Variants in ANKRD20A1 observed in about 807,000 individuals in gnomAD.
ANKRD20A1 encodes ankyrin repeat domain-containing protein 20A1.
ANKRD20A1 carries 2 observed loss-of-function variants against 50.9 expected under a neutral mutation model. That is an observed-to-expected ratio of 0.04 (90% CI 0.02 to 0.12). ANKRD20A1 has a LOEUF of 0.12. Ranked by LOEUF, ANKRD20A1 falls within the 10% of genes least tolerant of loss-of-function variation. ANKRD20A1 has a pLI of 1.00. For missense variants in ANKRD20A1, 31 were observed against 548.1 expected (o/e 0.06, Z 9.42); for synonymous variants, 10 against 186.2 (o/e 0.05, Z 7.70).
chr9:67,879,139 CTT>C (rs1477038411), intron 7 of ANKRD20A1, among the ~76,000 whole-genome samples: 34 of 60,420 alleles, frequency 5.6e-4, no homozygotes, highest in African/African-American at 1.3e-3. Context: ...GACTGACAAA[CTT>C]GAAGATTTTT....
chr9:67,865,326 A>ACATATTTTATATGTT, intron 3 of ANKRD20A1, among the ~76,000 whole-genome samples: 1 of 145,606 alleles, frequency 6.9e-6, no homozygotes, highest in Non-Finnish European at 1.5e-5. Context: ...CAATCTGGGA[A>ACATATTTTATATGTT]AATTATATAC....
intron 1 of ANKRD20A1, among the ~76,000 whole-genome samples, chr9:67,862,520 C>CA (rs1165655999): frequency 2.7e-4 from 1 of 3,756 alleles, no homozygotes; most frequent in Non-Finnish European, 5.2e-4. Flanking sequence ...GACTTTGTCT[C>CA]AAAAAACAAA....
At chr9:67,882,568 T>A (rs1389054589) in intron 8 of ANKRD20A1, among the ~76,000 whole-genome samples, 8 of 150,102 alleles carry the variant, frequency 5.3e-5, no homozygotes, top group Admixed American at 2.0e-4. Context: ...GATTTTAGAT[T>A]AACATTTCTT....
At chr9:67,884,200 A>T (rs1157784664) in intron 8 of ANKRD20A1, among the ~76,000 whole-genome samples, 6 of 145,588 alleles carry the variant, frequency 4.1e-5, no homozygotes, top group African/African-American at 1.5e-4. Flanking sequence ...GGAGTTTGAG[A>T]CCAGCCTGGG....
At chr9:67,885,001 GAA>G (rs1169862794) in intron 9 of ANKRD20A1, among the ~76,000 whole-genome samples, 16 of 56,586 alleles carry the variant, frequency 2.8e-4, no homozygotes, top group East Asian at 4.0e-3. Context: ...AATAAGTAAA[GAA>G]GTGAAATGGT....
chr9:67,881,242 T>A (rs1449796545), intron 8 of ANKRD20A1, among the ~76,000 whole-genome samples: 34 of 141,406 alleles, frequency 2.4e-4, no homozygotes, highest in African/African-American at 8.3e-4. Flanking sequence ...CGTATCTGAT[T>A]TAAAAATATA....
At position 67,859,261 on chromosome 9, in the gene ANKRD20A1, C is replaced by A. The variant is rs373637193; in HGVS notation, c.-166C>A. 23 of 513,628 alleles carry A rather than the reference C, an allele frequency of 4.5e-5. 9 individuals carry two copies. Among genetic ancestry groups the A allele is most frequent in the African/African-American group, 1.5e-4 (2 of 13,658 alleles). 31.8% of individuals were successfully genotyped at this position (513,628 alleles called of 1,614,324 possible). ...GCTGGATCGCGGATTGTGGAGTAGA[C>A]CATAGATTTGAAATAGCGGAGTTGG... On this transcript the variant is annotated 5_prime_UTR_variant, in exon 1 of 15. Coordinates refer to ENST00000562196, the MANE Select transcript of ANKRD20A1 (RefSeq NM_032250.5).
Position 67,895,957 on chromosome 9 carries a change from T to C in ANKRD20A1, c.1153-1602T>C, listed in dbSNP as rs1025152767. 3.9e-5 allele frequency among the ~76,000 whole-genome samples: 3 copies of C among 76,952 alleles called. 1 individual carries two copies. The highest frequency in any genetic ancestry group is 0.013 in the Middle Eastern group (2 of 150). The allele number at this position is 76,952 out of a possible 152,430, so 50.5% of individuals were successfully genotyped here. ...GTCAAAGTAGATTAGTTCTGCTATC[T>C]AAATAATGGTTCTGGAGAATGTTCT... On this transcript the variant is annotated intron_variant, in intron 12 of 14. Transcript: ENST00000562196.
In ANKRD20A1 at chr9:67,863,380, G is replaced by A; in HGVS notation, c.481G>A (p.Ala161Thr). The change falls in exon 3 of 15, where the codon GCA becomes ACA. Residue 161 changes from alanine (A) to threonine (T), a missense_variant. Coordinates refer to ENST00000562196, the MANE Select transcript of ANKRD20A1 (RefSeq NM_032250.5). ...KLLSHGAHIE[A>T]LDKDNNTPLL... ...GCTTTCCCATGGTGCACATATTGAAGCACTGGACAAGGTATAGGTCAATCA... is the reference window on the plus strand; with the variant it reads ...GCTTTCCCATGGTGCACATATTGAAACACTGGACAAGGTATAGGTCAATCA... The A allele has an allele frequency of 5.3e-6, 1 of 190,164 alleles. No individual in the cohort carries two copies. 11.8% of individuals were successfully genotyped at this position (190,164 alleles called of 1,614,324 possible). A position where few individuals can be genotyped will look rare whatever the true frequency, so the allele number is the denominator to read the frequency against.
chr9:67,884,889 C>G (rs1356884663), intron 9 of ANKRD20A1, among the ~76,000 whole-genome samples: 2 of 149,824 alleles, frequency 1.3e-5, no homozygotes, highest in African/African-American at 2.4e-5. Context: ...GACTCCGTCT[C>G]AGAAAAAACA....
At chr9:67,881,137 A>C (rs1373520423) in intron 8 of ANKRD20A1, among the ~76,000 whole-genome samples, 2 of 150,676 alleles carry the variant, frequency 1.3e-5, no homozygotes, top group African/African-American at 4.8e-5. Context: ...AAAATAACTG[A>C]GTGTGGTGGT....
chr9:67,864,658 C>CAA (rs1287153657), intron 3 of ANKRD20A1, among the ~76,000 whole-genome samples: 146 of 14,576 alleles, frequency 0.01, 37 homozygotes, highest in East Asian at 0.019. Flanking sequence ...CAATAATAGC[C>CAA]AAAAAAAAAA....
intron 3 of ANKRD20A1, among the ~76,000 whole-genome samples, chr9:67,865,798 G>A (rs1214490543): frequency 1.4e-5 from 2 of 142,072 alleles, no homozygotes; most frequent in Admixed American, 7.3e-5. Context: ...GTCCTTGTAA[G>A]TATCTGAGTT....
chr9:67,900,552 A>G lies in ANKRD20A1; in HGVS notation c.1557A>G (p.Ala519=), dbSNP rs1828047730. The change falls in exon 15 of 15, where the codon GCA becomes GCG. Residue 519 remains alanine (A), a synonymous_variant. Transcript: ENST00000562196. Reference sequence around the variant, plus strand: ...TGGATGAAAATTGCATTTTGAAGGCAGATATTGCTATACTCAGACAGGAAA... The same window carrying G: ...TGGATGAAAATTGCATTTTGAAGGCGGATATTGCTATACTCAGACAGGAAA... ...GLMDENCILK[A]DIAILRQEIC... The G allele has an allele frequency of 1.1e-6, 1 of 948,932 alleles. No individual in the cohort carries two copies. Among genetic ancestry groups the G allele is most frequent in the African/African-American group, 1.8e-5 (1 of 55,680 alleles). The allele number at this position is 948,932 out of a possible 1,614,324, so 58.8% of individuals were successfully genotyped here.
At chr9:67,900,206 G>T (rs1214781921) in intron 14 of ANKRD20A1, among the ~76,000 whole-genome samples, 1 of 15,610 alleles carries the variant, frequency 6.4e-5, no homozygotes, top group African/African-American at 1.4e-4. Flanking sequence ...TTTTGAGTTT[G>T]TTGTAATTCA....
intron 6 of ANKRD20A1, among the ~76,000 whole-genome samples, chr9:67,871,537 T>A (rs910426478): frequency 7.2e-6 from 1 of 138,646 alleles, no homozygotes; most frequent in Non-Finnish European, 1.6e-5. Flanking sequence ...AAAAAGATTT[T>A]TAAGTTAGTA....
rs1827492894 is a variant in ANKRD20A1, at chr9:67,860,390, T to C, written c.203+761T>C. On this transcript the variant is annotated intron_variant, in intron 1 of 14. Transcript: ENST00000562196. Reference sequence around the variant, plus strand: ...TCATAAGATATATATATATTACTGATATGTATACATATATAACACATATGT... The same window carrying C: ...TCATAAGATATATATATATTACTGACATGTATACATATATAACACATATGT... The C allele has an allele frequency of 5.2e-5, 2 of 38,780 alleles. 1 individual carries two copies. Among genetic ancestry groups the C allele is most frequent in the African/African-American group, 2.7e-4 (2 of 7,456 alleles). The allele number at this position is 38,780 out of a possible 1,614,324, so 2.4% of individuals were successfully genotyped here. A position where few individuals can be genotyped will look rare whatever the true frequency, so the allele number is the denominator to read the frequency against.
chr9:67,882,951 A>G (rs1195380304), intron 8 of ANKRD20A1, among the ~76,000 whole-genome samples: 3 of 151,142 alleles, frequency 2.0e-5, no homozygotes, highest in Non-Finnish European at 2.9e-5. Context: ...CCATGTCCCT[A>G]CAAAGGACAT....
intron 6 of ANKRD20A1, among the ~76,000 whole-genome samples, chr9:67,872,863 ATTAT>A (rs1403942407): frequency 1.5e-5 from 2 of 131,480 alleles, no homozygotes; most frequent in Admixed American, 1.6e-4. Context: ...CTGATACACA[ATTAT>A]TTATTTGTTT....
Sources: gnomAD v4.1 joint callset for allele counts (sites outside exome capture counted in the v4.1 genomes callset) on GRCh38, gnomAD v4.1.1 for gene constraint, MANE v1.5 for transcripts, NCBI Gene and HGNC (gene_info 2026-07-23, HGNC 2026-07-21) for gene names.